Variants in SKAP1 observed in about 807,000 individuals in gnomAD.
The protein encoded by SKAP1 is src kinase-associated phosphoprotein 1.
SKAP1 carries 44 observed loss-of-function variants against 58.5 expected under a neutral mutation model. The ratio of observed to expected loss-of-function variants is 0.75; its 90% CI spans 0.59 to 0.97. SKAP1 has a LOEUF of 0.97. Ranked by LOEUF, SKAP1 falls within the 50% of genes least tolerant of loss-of-function variation. The pLI is 0.00. For synonymous variants in SKAP1, 127 were observed against 149.7 expected (o/e 0.85, Z 1.11); for missense variants, 390 against 435.2 (o/e 0.90, Z 0.92).
intron 2 of SKAP1, chr17:48,380,386 C>T (rs2067199886): frequency 6.6e-6 from 1 of 152,138 alleles, no homozygotes; most frequent in South Asian, 2.1e-4. Context: ...AAAGATTTTC[C>T]CTTCATTGTT....
At chr17:48,429,047 G>T (rs1390841110) in intron 1 of SKAP1, among the ~76,000 whole-genome samples, 1 of 152,094 alleles carries the variant, frequency 6.6e-6, no homozygotes, top group Non-Finnish European at 1.5e-5. Flanking sequence ...AGGTAATGGA[G>T]ATATAAAACC....
At chr17:48,278,565 T>C (rs2065728271) in intron 4 of SKAP1, among the ~76,000 whole-genome samples, 1 of 152,172 alleles carries the variant, frequency 6.6e-6, no homozygotes, top group South Asian at 2.1e-4. Context: ...CTTTGAAGAA[T>C]GGCCAAGAGT....
At chr17:48,435,924 TAAAAA>T in the SKAP1 span, among the ~76,000 whole-genome samples, 2 of 152,248 alleles carry the variant, frequency 1.3e-5, no homozygotes, top group Non-Finnish European at 2.9e-5. Flanking sequence ...GAGTCAGAGA[TAAAAA>T]CAGCAATAGC....
intron 4 of SKAP1, among the ~76,000 whole-genome samples, chr17:48,217,519 C>T (rs904976183): frequency 1.2e-4 from 18 of 152,030 alleles, no homozygotes; most frequent in Admixed American, 1.1e-3. Flanking sequence ...TGGTGGTGTG[C>T]ACCTGTAGTC....
chr17:48,182,593 A>G (rs1940057529), intron 7 of SKAP1, 136 bp from the exon 8 acceptor site: 2 of 627,520 alleles, frequency 3.2e-6, no homozygotes, highest in Non-Finnish European at 5.5e-6. Flanking sequence ...TGCTTAACAT[A>G]TAGAAAAAAG....
chr17:48,367,855 C>T (rs145068659), intron 2 of SKAP1, among the ~76,000 whole-genome samples: 1 of 149,254 alleles, frequency 6.7e-6, no homozygotes, highest in Non-Finnish European at 1.5e-5. Context: ...GTTGAGGTTG[C>T]AGTAAGCTGT....
intron 4 of SKAP1, among the ~76,000 whole-genome samples, chr17:48,248,242 T>G (rs2065319031): frequency 6.6e-6 from 1 of 152,202 alleles, no homozygotes; most frequent in Non-Finnish European, 1.5e-5. Context: ...AAGTAATTAT[T>G]ATTTTCTTTG....
intron 3 of SKAP1, among the ~76,000 whole-genome samples, chr17:48,354,557 A>T (rs1567880128): frequency 6.6e-6 from 1 of 152,200 alleles, no homozygotes. Context: ...GATAGGGTTC[A>T]CAAGATTGGT....
At chr17:48,187,139 C>T (rs925849901) in intron 6 of SKAP1, among the ~76,000 whole-genome samples, 2 of 152,148 alleles carry the variant, frequency 1.3e-5, no homozygotes, top group Non-Finnish European at 2.9e-5. Flanking sequence ...TTTGTAATTG[C>T]CTCCAATTGT....
At chr17:48,152,852 C>A (rs2063918475) in intron 11 of SKAP1, among the ~76,000 whole-genome samples, 1 of 152,306 alleles carries the variant, frequency 6.6e-6, no homozygotes, top group Admixed American at 6.5e-5. Flanking sequence ...AAATTCACTG[C>A]AAAATAAATG....
At chr17:48,298,093 A>G (rs2066004811) in intron 4 of SKAP1, among the ~76,000 whole-genome samples, 1 of 152,154 alleles carries the variant, frequency 6.6e-6, no homozygotes, top group African/African-American at 2.4e-5. Flanking sequence ...GACTCTTTCC[A>G]GATGTTCCAG....
chr17:48,301,800 C>T (rs537708050), intron 4 of SKAP1, among the ~76,000 whole-genome samples: 3 of 152,266 alleles, frequency 2.0e-5, no homozygotes, highest in African/African-American at 7.2e-5. Context: ...CTTAGACCTT[C>T]CTTATGGTCC....
At chr17:48,235,520 T>C (rs2065170242) in intron 4 of SKAP1, among the ~76,000 whole-genome samples, 5 of 152,004 alleles carry the variant, frequency 3.3e-5, no homozygotes, top group Admixed American at 2.0e-4. Flanking sequence ...ACAACAAAAC[T>C]CTGAATGCAG....
rs553724815 is a variant in SKAP1 at position 48,218,015 on chromosome 17, A to T, written c.281-28515T>A. 9.5e-4 allele frequency among the ~76,000 whole-genome samples: 144 copies of T among 152,328 alleles called. 1 individual carries two copies. Among genetic ancestry groups the T allele is most frequent in the African/African-American group, 2.7e-3 (114 of 41,576 alleles). ...GTATGAGATATTGTTGGATAAACTG[A>T]TTTCATAGAGAAGGAGGAAGGTACT... On this transcript the variant is annotated intron_variant, in intron 4 of 12. Transcript: ENST00000336915.
intron 3 of SKAP1, among the ~76,000 whole-genome samples, chr17:48,349,141 T>C (rs1213988604): frequency 2.6e-5 from 4 of 152,174 alleles, no homozygotes; most frequent in African/African-American, 4.8e-5. Flanking sequence ...TGAGGATGCA[T>C]GGGTGAAAAG....
chr17:48,303,751 A>G (rs1462889659), intron 4 of SKAP1, among the ~76,000 whole-genome samples: 1 of 152,214 alleles, frequency 6.6e-6, no homozygotes, highest in Non-Finnish European at 1.5e-5. Flanking sequence ...CCAAGATGAA[A>G]TACAGTCCTC....
rs559803893 is a variant in SKAP1, at chr17:48,328,734, G to A, written c.280+17171C>T. On this transcript the variant is annotated intron_variant, in intron 4 of 12. Transcript: ENST00000336915. ...TCCACTCCACATCCTGTTTTCTCTG[G>A]GCTTCTCACATAAATTTATTTGAGG... Among the ~76,000 whole-genome samples the A allele has an allele frequency of 3.3e-5, 5 of 152,022 alleles. No homozygotes were observed. In the East Asian group the frequency reaches 9.7e-4, roughly 29 times the overall value.
At chr17:48,348,704 G>T (rs1273698147) in intron 3 of SKAP1, among the ~76,000 whole-genome samples, 5 of 152,124 alleles carry the variant, frequency 3.3e-5, no homozygotes, top group African/African-American at 7.2e-5. Context: ...TGCCTTCACA[G>T]TCTCAGTTTT....
At chr17:48,164,965 A>G (rs1273612050) in intron 10 of SKAP1, among the ~76,000 whole-genome samples, 1 of 152,272 alleles carries the variant, frequency 6.6e-6, no homozygotes, top group Non-Finnish European at 1.5e-5. Flanking sequence ...ACAGACATGT[A>G]TACAGTACCT....
Sources: allele counts gnomAD v4.1 joint callset (sites outside exome capture counted in the v4.1 genomes callset), GRCh38; gene constraint gnomAD v4.1.1; transcripts MANE v1.5; gene names NCBI Gene and HGNC (gene_info 2026-07-23, HGNC 2026-07-21).